The following APBB2 variants were observed in gnomAD, a reference collection of about 807,000 sequenced individuals.
APBB2 encodes amyloid beta precursor protein binding family B member 2.
APBB2 carries 38 observed loss-of-function variants against 82.5 expected under a neutral mutation model. The observed-to-expected ratio is 0.46, with a 90% confidence interval of 0.36 to 0.60. APBB2 has a LOEUF of 0.60. APBB2 is among the 20% of genes least tolerant of loss of function. APBB2 has a pLI of 0.00. For missense variants in APBB2, 772 were observed against 972.3 expected (o/e 0.79, Z 2.74); for synonymous variants, 341 against 368.2 (o/e 0.93, Z 0.85).
chr4:40,911,783 C>A (rs987865627), intron 10 of APBB2, among the ~76,000 whole-genome samples: 1 of 148,214 alleles, frequency 6.7e-6, no homozygotes, highest in African/African-American at 2.5e-5. Context: ...CCTAGGGGGA[C>A]ACGGATTCCT....
chr4:41,080,914 G>A (rs990308127), intron 3 of APBB2, among the ~76,000 whole-genome samples: 8 of 151,934 alleles, frequency 5.3e-5, no homozygotes, highest in Non-Finnish European at 1.0e-4. Context: ...GAGATGTTTT[G>A]TATTTAGGAG....
chr4:40,845,588 CAAAAAAA>C (rs71198606), intron 12 of APBB2, among the ~76,000 whole-genome samples: 8 of 56,482 alleles, frequency 1.4e-4, no homozygotes, highest in African/African-American at 3.8e-4. Context: ...GGAAATTCCT[CAAAAAAA>C]AAAAAAAAAA....
At chr4:40,922,787 T>A (rs1201092803) in intron 10 of APBB2, among the ~76,000 whole-genome samples, 2 of 141,664 alleles carry the variant, frequency 1.4e-5, no homozygotes, top group African/African-American at 2.6e-5. Flanking sequence ...AATTTTGTAT[T>A]TTTTTTTTTT....
intron 6 of APBB2, among the ~76,000 whole-genome samples, chr4:40,982,066 T>C (rs1013781611): frequency 3.3e-5 from 5 of 150,924 alleles, no homozygotes; most frequent in African/African-American, 7.4e-5. Flanking sequence ...ATGCCTGTAA[T>C]CCCAGCTACT....
intron 10 of APBB2, among the ~76,000 whole-genome samples, chr4:40,909,146 C>T (rs1055149337): frequency 1.2e-4 from 19 of 152,306 alleles, no homozygotes; most frequent in African/African-American, 3.8e-4. Context: ...AAAGAAAGGC[C>T]GGTGCACCAT....
At chr4:40,863,121 T>C (rs991811028) in intron 12 of APBB2, among the ~76,000 whole-genome samples, 2 of 152,230 alleles carry the variant, frequency 1.3e-5, no homozygotes, top group Non-Finnish European at 2.9e-5. Context: ...CACTGCATTC[T>C]GAGCTCCTTG....
chr4:41,194,003 T>C, intron 1 of APBB2: 1 of 152,054 alleles, frequency 6.6e-6, no homozygotes, highest in African/African-American at 2.4e-5. Context: ...TTGTTAAGAG[T>C]GAAATTGAGG....
At chr4:41,138,131 C>T (rs1758096979) in intron 2 of APBB2, 1 of 151,866 alleles carries the variant, frequency 6.6e-6, no homozygotes, top group Non-Finnish European at 1.5e-5. Context: ...CACGTCACTG[C>T]ACTCCAGCCT....
chr4:40,853,646 A>G (rs558925336), intron 12 of APBB2, among the ~76,000 whole-genome samples: 25 of 151,676 alleles, frequency 1.6e-4, no homozygotes, highest in Non-Finnish European at 2.8e-4. Flanking sequence ...TAGTAGAGAC[A>G]GGGTTTCACC....
At chr4:40,842,183 G>A (rs778526259) in intron 12 of APBB2, among the ~76,000 whole-genome samples, 4 of 152,200 alleles carry the variant, frequency 2.6e-5, no homozygotes, top group African/African-American at 9.7e-5. Flanking sequence ...GAACGCAGAT[G>A]CAATTCCAGA....
intron 3 of APBB2, among the ~76,000 whole-genome samples, chr4:41,067,059 G>A (rs1202808498): frequency 6.6e-6 from 1 of 152,182 alleles, no homozygotes; most frequent in Admixed American, 6.5e-5. Flanking sequence ...GGATGGTAGT[G>A]ACAACCAAGG....
chr4:40,982,415 A>AAGAC lies in APBB2; in HGVS notation c.835+31167_835+31168insGTCT, dbSNP rs1272524860. Among the ~76,000 whole-genome samples, 2 of 109,616 alleles carry AAGAC rather than the reference A, an allele frequency of 1.8e-5. 1 individual carries two copies. 71.9% of individuals were successfully genotyped at this position (109,616 alleles called of 152,430 possible). ...GGAAAGGAAAGGAAAGAAAGAAAGA[A>AAGAC]AGAAAGAAAGAAAGAAAGAAAGAAA... is the stretch of plus-strand genomic sequence containing the variant. On this transcript the variant is annotated intron_variant, in intron 6 of 17. Transcript: ENST00000508593.
Position 40,813,082 on chromosome 4 carries a change from A to C in APBB2, c.*3010T>G, listed in dbSNP as rs1331127168. On this transcript the variant is annotated 3_prime_UTR_variant, in exon 18 of 18. Coordinates refer to ENST00000508593, the MANE Select transcript of APBB2 (RefSeq NM_004307.2). ...TGTATGAGGTGGCAAGTCTGTGTCT[A>C]TCTAGCTGCTTTTAAAAAATAAAAG... 1 of 152,222 alleles carries C rather than the reference A, an allele frequency of 6.6e-6. No homozygotes were observed. The highest frequency in any genetic ancestry group is 2.4e-5 in the African/African-American group (1 of 41,460). The allele number at this position is 152,222 out of a possible 1,614,324, so 9.4% of individuals were successfully genotyped here.
Position 41,176,576 on chromosome 4 carries a change from TCTTA to T in APBB2, c.-416-33438_-416-33435del, listed in dbSNP as rs1769840576. On this transcript the variant is annotated intron_variant, in intron 1 of 17. Transcript: ENST00000508593. ...TTATGAGACACTGCAAAACATTTTC[TCTTA>T]CTATCACTACAAAAAATGTCAGTAA... is the stretch of plus-strand genomic sequence containing the variant. Among the ~76,000 whole-genome samples the T allele has an allele frequency of 6.6e-5, 10 of 152,246 alleles. No individual in the cohort carries two copies. In the South Asian group the frequency reaches 2.1e-3, roughly 32 times the overall value.
In APBB2 at chr4:40,816,233, G is replaced by A. The variant is rs776534558; in HGVS notation, c.2139C>T (p.Ala713=). 1 of 1,614,010 alleles carries A rather than the reference G, an allele frequency of 6.2e-7. No homozygotes were observed. Among genetic ancestry groups the A allele is most frequent in the East Asian group, 2.2e-5 (1 of 44,906 alleles). ...GTCGAACTTTCTGAGAAGGCGGCCT[G>A]GCTACCAAGCACTTCTGATATCGTA... ...CMLRYQKCLV[A]RPPSQKVRPP... The change falls in exon 18 of 18, where the codon GCC becomes GCT. Residue 713 remains alanine (A), a synonymous_variant. Coordinates refer to ENST00000508593, the MANE Select transcript of APBB2 (RefSeq NM_004307.2).
intron 12 of APBB2, chr4:40,881,121 G>A (rs1321243200): frequency 2.0e-6 from 2 of 985,402 alleles, no homozygotes; most frequent in Middle Eastern, 5.2e-4. Flanking sequence ...TAGAACCACA[G>A]TGTAAGTCAG....
intron 1 of APBB2, among the ~76,000 whole-genome samples, chr4:41,180,089 G>A (rs1770906685): frequency 6.6e-6 from 1 of 152,050 alleles, no homozygotes; most frequent in Non-Finnish European, 1.5e-5. Context: ...GAACAAAACA[G>A]CTCTCAGAAT....
At chr4:40,884,454 A>G (rs900705301) in intron 12 of APBB2, among the ~76,000 whole-genome samples, 3 of 152,202 alleles carry the variant, frequency 2.0e-5, no homozygotes, top group African/African-American at 7.2e-5. Context: ...GAAAACAAGA[A>G]CATAAAGTAC....
At chr4:41,090,876 A>G (rs1030022488) in intron 3 of APBB2, among the ~76,000 whole-genome samples, 2 of 152,196 alleles carry the variant, frequency 1.3e-5, no homozygotes, top group Non-Finnish European at 2.9e-5. Context: ...ATGTGAGCAG[A>G]AAGTCAGAAG....
Sources: allele counts gnomAD v4.1 joint callset (sites outside exome capture counted in the v4.1 genomes callset), GRCh38; gene constraint gnomAD v4.1.1; transcripts MANE v1.5; gene names NCBI Gene and HGNC (gene_info 2026-07-23, HGNC 2026-07-21).